The following FGF12 variants were observed in gnomAD, a reference collection of about 807,000 sequenced individuals.
The protein encoded by FGF12 is fibroblast growth factor 12.
In FGF12, 14 loss-of-function variants were observed where a neutral mutation model predicts 23.6. That is an observed-to-expected ratio of 0.59 (90% CI 0.39 to 0.93). FGF12 has a LOEUF of 0.93. Ranked by LOEUF, FGF12 falls within the 40% of genes least tolerant of loss-of-function variation. The pLI, the probability that FGF12 is intolerant of heterozygous loss-of-function variation, is 0.00. For synonymous variants in FGF12, 62 were observed against 77.3 expected (o/e 0.80, Z 1.04); for missense variants, 175 against 217.8 (o/e 0.80, Z 1.24).
chr3:192,447,504 C>T (rs950843647), intron 2 of FGF12, among the ~76,000 whole-genome samples: 2 of 152,134 alleles, frequency 1.3e-5, no homozygotes, highest in African/African-American at 4.8e-5. Context: ...TTCTGTAGTA[C>T]TGCTAACATT....
chr3:192,531,440 A>T (rs1725087872), intron 2 of FGF12, among the ~76,000 whole-genome samples: 1 of 152,214 alleles, frequency 6.6e-6, no homozygotes. Flanking sequence ...AGAAAGAAAG[A>T]AAAGGAAATG....
intron 2 of FGF12, among the ~76,000 whole-genome samples, chr3:192,704,949 A>G (rs1718420854): frequency 6.6e-6 from 1 of 152,186 alleles, no homozygotes; most frequent in African/African-American, 2.4e-5. Context: ...CAGCTTCCTC[A>G]TCTCTCTCAG....
intron 2 of FGF12, among the ~76,000 whole-genome samples, chr3:192,447,470 G>A (rs1460027671): frequency 6.6e-6 from 1 of 152,076 alleles, no homozygotes; most frequent in African/African-American, 2.4e-5. Flanking sequence ...AAAACTTAGT[G>A]AAGTAAAAAG....
At chr3:192,475,358 A>C (rs1723287422) in intron 2 of FGF12, among the ~76,000 whole-genome samples, 1 of 152,150 alleles carries the variant, frequency 6.6e-6, no homozygotes, top group Admixed American at 6.5e-5. Context: ...TTTCCCCCTT[A>C]ATCTATAAAC....
intron 4 of FGF12, among the ~76,000 whole-genome samples, chr3:192,185,145 C>T (rs191233121): frequency 3.5e-4 from 53 of 152,258 alleles, no homozygotes; most frequent in African/African-American, 1.1e-3. Context: ...CTAAAATTAT[C>T]TCTTTCTCTT....
Position 192,482,874 on chromosome 3 carries a change from T to C in FGF12, c.14-122336A>G, listed in dbSNP as rs530355812. ...TCACATATGATTTCCACAAAATGAA[T>C]AGTATTTAACCTAGTTGGAAAGATA... On this transcript the variant is annotated intron_variant, in intron 2 of 5. Transcript: ENST00000445105. Among the ~76,000 whole-genome samples the C allele has an allele frequency of 1.8e-3, 277 of 152,312 alleles. 2 individuals carry two copies. The highest frequency in any genetic ancestry group is 6.2e-3 in the African/African-American group (258 of 41,576).
rs1261185677 is a variant in FGF12, at chr3:192,158,366, CT to C, written c.427+12091del. 3.5e-3 allele frequency among the ~76,000 whole-genome samples: 338 copies of C among 97,706 alleles called. 2 individuals carry two copies. Among genetic ancestry groups the C allele is most frequent in the African/African-American group, 0.015 (317 of 21,234 alleles). The allele number at this position is 97,706 out of a possible 152,430, so 64.1% of individuals were successfully genotyped here. On this transcript the variant is annotated intron_variant, in intron 5 of 5. Transcript: ENST00000445105. Reference sequence around the variant, plus strand: ...TCTTTCTTTCTTTCTTTCTTTCTTTCTTTCTTTCTTTCTTTCTTTTCTTTCT... The same window carrying C: ...TCTTTCTTTCTTTCTTTCTTTCTTTCTTCTTTCTTTCTTTCTTTTCTTTCT...
At chr3:192,456,956 G>A (rs1226463727) in intron 2 of FGF12, among the ~76,000 whole-genome samples, 1 of 152,224 alleles carries the variant, frequency 6.6e-6, no homozygotes, top group Non-Finnish European at 1.5e-5. Flanking sequence ...TGTTGTGGGA[G>A]GGACCCAGTG....
At chr3:192,463,841 G>GT (rs1244225326) in intron 2 of FGF12, among the ~76,000 whole-genome samples, 1 of 151,952 alleles carries the variant, frequency 6.6e-6, no homozygotes, top group Non-Finnish European at 1.5e-5. Flanking sequence ...TTCTGTTTTT[G>GT]TTTTTTTAAA....
At chr3:192,617,082 T>C (rs1296844029) in intron 2 of FGF12, among the ~76,000 whole-genome samples, 1 of 151,942 alleles carries the variant, frequency 6.6e-6, no homozygotes, top group Non-Finnish European at 1.5e-5. Flanking sequence ...GTCAGTACAA[T>C]AGAAATGAAT....
At chr3:192,716,465 T>C (rs1260838770) in intron 2 of FGF12, among the ~76,000 whole-genome samples, 2 of 152,232 alleles carry the variant, frequency 1.3e-5, no homozygotes, top group Non-Finnish European at 2.9e-5. Flanking sequence ...TCAGTTTTTA[T>C]TGCATAATTT....
At chr3:192,224,837 G>A (rs957930681) in intron 4 of FGF12, among the ~76,000 whole-genome samples, 2 of 152,106 alleles carry the variant, frequency 1.3e-5, no homozygotes, top group African/African-American at 4.8e-5. Context: ...TGAGATTCTT[G>A]CAGTGACCTC....
intron 5 of FGF12, among the ~76,000 whole-genome samples, chr3:192,161,151 A>C (rs1714846636): frequency 6.6e-6 from 1 of 152,058 alleles, no homozygotes; most frequent in Non-Finnish European, 1.5e-5. Flanking sequence ...ACAGTTCCCT[A>C]AACTTAGTGA....
intron 2 of FGF12, among the ~76,000 whole-genome samples, chr3:192,692,218 A>G (rs1276488889): frequency 1.3e-5 from 2 of 152,192 alleles, no homozygotes; most frequent in Non-Finnish European, 2.9e-5. Context: ...CAGGAAAGGA[A>G]AACAACAGGC....
chr3:192,220,847 A>G lies in FGF12; in HGVS notation c.229-50191T>C, dbSNP rs111727136. 7.5e-3 allele frequency among the ~76,000 whole-genome samples: 1,136 copies of G among 152,346 alleles called. 11 individuals are homozygous for G. Among genetic ancestry groups the G allele is most frequent in the African/African-American group, 0.026 (1,099 of 41,584 alleles). ...TGGAAACATGATGTTAAATATTCCA[A>G]TAGTCTACTGAAGATGATAATCTGT... On this transcript the variant is annotated intron_variant, in intron 4 of 5. Transcript: ENST00000445105.
Position 192,408,757 on chromosome 3 carries a change from A to G in FGF12, c.14-48219T>C. The stretch of plus-strand genomic sequence containing the variant: ...GCGCCCCCGGTAGAAAATACTAAAA[A>G]GTGAATAAAACGTTCCTTTAGAAAA... On this transcript the variant is annotated intron_variant, in intron 2 of 5. Transcript: ENST00000445105. This position sits in a 1 kb window ranked among gnomAD's most constrained non-coding sequence, Gnocchi z 7.3. 1 of 986,474 alleles carries G rather than the reference A, an allele frequency of 1.0e-6. No homozygotes were observed. The highest frequency in any genetic ancestry group is 1.2e-6 in the Non-Finnish European group (1 of 830,736). The allele number at this position is 986,474 out of a possible 1,614,324, so 61.1% of individuals were successfully genotyped here. A position where few individuals can be genotyped will look rare whatever the true frequency, so the allele number is the denominator to read the frequency against.
chr3:192,719,136 T>G (rs1021079554), intron 2 of FGF12, among the ~76,000 whole-genome samples: 15 of 152,194 alleles, frequency 9.9e-5, no homozygotes, highest in African/African-American at 3.6e-4. Flanking sequence ...AGAATATTAG[T>G]TATATTTCAT....
intron 4 of FGF12, among the ~76,000 whole-genome samples, chr3:192,203,478 T>C (rs7646195): frequency 0.049 from 7,531 of 152,170 alleles, 635 homozygotes; most frequent in African/African-American, 0.17. Context: ...TCTATATGTC[T>C]AAGGATTTGG....
intron 5 of FGF12, among the ~76,000 whole-genome samples, chr3:192,145,702 C>G (rs144879754): frequency 1.1e-3 from 163 of 152,304 alleles, no homozygotes; most frequent in African/African-American, 3.8e-3. Context: ...GATGGCTCTT[C>G]CAACATCCCC....
Sources: gnomAD v4.1 joint callset for allele counts (sites outside exome capture counted in the v4.1 genomes callset) on GRCh38, gnomAD v4.1.1 for gene constraint, Gnocchi (gnomAD v3.1) non-coding constraint, MANE v1.5 for transcripts, NCBI Gene and HGNC (gene_info 2026-07-23, HGNC 2026-07-21) for gene names.